The following CDC123 variants were observed in gnomAD, a reference collection of about 807,000 sequenced individuals.
CDC123 encodes the protein translation initiation factor eIF2 assembly protein.
Under a neutral mutation model 54.4 loss-of-function variants are expected in CDC123, and 37 were observed. The ratio of observed to expected loss-of-function variants is 0.68; its 90% CI spans 0.52 to 0.89. The LOEUF (loss-of-function observed/expected upper bound fraction) is 0.89. CDC123 is among the 40% of genes least tolerant of loss of function. The pLI, the probability that CDC123 is intolerant of heterozygous loss-of-function variation, is 0.00. For synonymous variants in CDC123, 144 were observed against 136.8 expected (o/e 1.05, Z -0.37); for missense variants, 361 against 412.1 (o/e 0.88, Z 1.07).
intron 6 of CDC123, among the ~76,000 whole-genome samples, chr10:12,227,509 T>TC (rs1334861927): frequency 1.3e-5 from 2 of 151,978 alleles, no homozygotes; most frequent in African/African-American, 2.4e-5. Flanking sequence ...TTTTTTTTTT[T>TC]CTTTATGAGA....
chr10:12,246,334 C>G, intron 11 of CDC123, 57 bp downstream of exon 11: 3 of 1,591,498 alleles, frequency 1.9e-6, no homozygotes, highest in Non-Finnish European at 8.6e-7. Context: ...TGACTGACTG[C>G]TTGTTCTTCA....
intron 10 of CDC123, among the ~76,000 whole-genome samples, chr10:12,240,249 AGTTTAG>A (rs1304720179): frequency 2.0e-5 from 3 of 152,212 alleles, no homozygotes; most frequent in African/African-American, 7.2e-5. Context: ...TTTATTAAGA[AGTTTAG>A]GTCACTAAAT....
At position 12,250,307 on chromosome 10, in the gene CDC123, A is replaced by G; in HGVS notation, c.985-4A>G. On this transcript the variant is annotated splice_region_variant and splice_polypyrimidine_tract_variant and intron_variant, in intron 12 of 12. Coordinates refer to ENST00000281141, the MANE Select transcript of CDC123 (RefSeq NM_006023.3). Reference sequence around the variant, plus strand: ...TTTAACATCCCCTTGGTTTTCTTTGACAGAAGAGAAATCAGCAGGAGGACG... The same window carrying G: ...TTTAACATCCCCTTGGTTTTCTTTGGCAGAAGAGAAATCAGCAGGAGGACG... 1 of 1,580,152 alleles carries G rather than the reference A, an allele frequency of 6.3e-7. No homozygotes were observed. The highest frequency in any genetic ancestry group is 8.7e-7 in the Non-Finnish European group (1 of 1,155,228).
intron 8 of CDC123, among the ~76,000 whole-genome samples, chr10:12,236,741 A>C (rs1219830203): frequency 6.6e-6 from 1 of 152,066 alleles, no homozygotes; most frequent in African/African-American, 2.4e-5. Flanking sequence ...AATACAAAAA[A>C]AAATTTGCTG....
At chr10:12,227,035 C>T (rs1835830439) in intron 6 of CDC123, among the ~76,000 whole-genome samples, 1 of 152,204 alleles carries the variant, frequency 6.6e-6, no homozygotes, top group Non-Finnish European at 1.5e-5. Flanking sequence ...TAGCAGATCA[C>T]TCGCGGTTAG....
chr10:12,223,444 C>T (rs1238561823), intron 6 of CDC123, among the ~76,000 whole-genome samples: 3 of 152,076 alleles, frequency 2.0e-5, no homozygotes, highest in Admixed American at 2.0e-4. Context: ...CGCCACCACG[C>T]CTGGATAATT....
In CDC123 at chr10:12,222,030, C is replaced by G. The variant is rs913061697; in HGVS notation, c.440+4563C>G. 2.0e-5 allele frequency among the ~76,000 whole-genome samples: 3 copies of G among 152,338 alleles called. No individual in the cohort carries two copies. In the East Asian group the frequency reaches 5.8e-4, roughly 29 times the overall value. On this transcript the variant is annotated intron_variant, in intron 6 of 12. Transcript: ENST00000281141. ...AGGCCTGGAGGGGGCCTAAGCAGATCATTTCTAACCTGTTCCCAGGCAATG... is the reference window on the plus strand; with the variant it reads ...AGGCCTGGAGGGGGCCTAAGCAGATGATTTCTAACCTGTTCCCAGGCAATG...
chr10:12,207,645 T>G (rs1835540398), intron 2 of CDC123, among the ~76,000 whole-genome samples: 1 of 152,176 alleles, frequency 6.6e-6, no homozygotes, highest in Non-Finnish European at 1.5e-5. Flanking sequence ...GATAATGGTG[T>G]GTCCTCTGGG....
At chr10:12,204,631 C>T (rs1835489706) in intron 2 of CDC123, among the ~76,000 whole-genome samples, 1 of 152,072 alleles carries the variant, frequency 6.6e-6, no homozygotes, top group African/African-American at 2.4e-5. Context: ...GCAAACAATC[C>T]AATTACAGTC....
In CDC123 at chr10:12,242,898, C is replaced by T. The variant is rs181208064; in HGVS notation, c.718-3251C>T. 1.7e-4 allele frequency among the ~76,000 whole-genome samples: 26 copies of T among 151,790 alleles called. No homozygotes were observed. The East Asian group carries it at 4.1e-3, about 24-fold the overall frequency. ...AGGAGGTTGCAATGAGCTGAGATCG[C>T]GCGACTGTACTCCAGCCTGGGCAAC... On this transcript the variant is annotated intron_variant, in intron 10 of 12. Coordinates refer to ENST00000281141, the MANE Select transcript of CDC123 (RefSeq NM_006023.3).
chr10:12,225,964 T>A (rs1027388752), intron 6 of CDC123, among the ~76,000 whole-genome samples: 1 of 151,914 alleles, frequency 6.6e-6, no homozygotes, highest in Non-Finnish European at 1.5e-5. Context: ...GTGATGACTC[T>A]TAAGGAGCAT....
chr10:12,241,392 T>C (rs1027089773), intron 10 of CDC123, among the ~76,000 whole-genome samples: 3 of 152,206 alleles, frequency 2.0e-5, no homozygotes, highest in Non-Finnish European at 4.4e-5. Flanking sequence ...TTTTAAAAAA[T>C]ACTTCCCCAT....
intron 11 of CDC123, chr10:12,246,904 C>T (rs1243562070): frequency 1.3e-5 from 2 of 151,416 alleles, no homozygotes; most frequent in Admixed American, 6.6e-5. Flanking sequence ...CCTCTGTCAC[C>T]TCCCCCCTCA....
At chr10:12,244,826 T>C (rs1836109270) in intron 10 of CDC123, 1 of 151,712 alleles carries the variant, frequency 6.6e-6, no homozygotes, top group Non-Finnish European at 1.5e-5. Flanking sequence ...CTGGCCAACA[T>C]GGTAAGACCC....
chr10:12,235,560 ATTC>A (rs1290480776), intron 8 of CDC123, among the ~76,000 whole-genome samples: 17 of 152,224 alleles, frequency 1.1e-4, no homozygotes, highest in African/African-American at 4.1e-4. Flanking sequence ...AAGTAAGTGT[ATTC>A]TTCTAAGTCA....
rs201298397 is a variant in CDC123 at position 12,196,320 on chromosome 10, G to A, written c.74+1G>A. On this transcript the variant is annotated splice_donor_variant, in intron 1 of 12. Transcript: ENST00000281141. LOFTEE classifies it high-confidence loss of function. The stretch of plus-strand genomic sequence containing the variant: ...TCTTCCGAGGCGTTACCATCAAGAG[G>A]TGAGATGGGAGGGGGTTCGCCCGGT... The A allele has an allele frequency of 1.2e-5, 19 of 1,610,992 alleles. No individual in the cohort carries two copies. The highest frequency in any genetic ancestry group is 3.4e-6 in the Non-Finnish European group (4 of 1,178,316).
chr10:12,213,583 A>G (rs1588672935), intron 4 of CDC123, among the ~76,000 whole-genome samples: 1 of 152,066 alleles, frequency 6.6e-6, no homozygotes, highest in South Asian at 2.1e-4. Flanking sequence ...TTTTCTGTAG[A>G]AGACGTTACT....
chr10:12,245,980 G>A, intron 10 of CDC123, 169 bp from the exon 11 acceptor site: 1 of 608,462 alleles, frequency 1.6e-6, no homozygotes, highest in East Asian at 2.9e-5. Flanking sequence ...TGAGGCAGGA[G>A]GATCCTTTGA....
At chr10:12,215,195 A>G (rs1835648048) in intron 4 of CDC123, among the ~76,000 whole-genome samples, 1 of 152,182 alleles carries the variant, frequency 6.6e-6, no homozygotes, top group Non-Finnish European at 1.5e-5. Context: ...TAAGGTTCAC[A>G]TTTTGAGTTT....
Sources: gnomAD v4.1 joint callset for allele counts (sites outside exome capture counted in the v4.1 genomes callset) on GRCh38, gnomAD v4.1.1 for gene constraint, MANE v1.5 for transcripts, NCBI Gene and HGNC (gene_info 2026-07-23, HGNC 2026-07-21) for gene names.